ADGRV1: variants seen among roughly 807,000 people sequenced by gnomAD.
ADGRV1 encodes the protein adhesion G protein-coupled receptor V1, also known as G-protein coupled receptor 98.
ADGRV1 carries 359 observed loss-of-function variants against 596.2 expected under a neutral mutation model. That is an observed-to-expected ratio of 0.60 (90% CI 0.55 to 0.66). The LOEUF is 0.66. Among genes scored for constraint, ADGRV1 ranks in the 30% least tolerant of loss-of-function variants. The pLI is 0.00. For missense variants in ADGRV1, 7,274 were observed against 7,575.6 expected, an observed-to-expected ratio of 0.96 and a Z score of 1.48; for synonymous variants, 2,681 against 2,679.2, an observed-to-expected ratio of 1.00 and a Z score of -0.02.
intron 84 of ADGRV1, among the ~76,000 whole-genome samples, chr5:90,983,718 A>G (rs1356977706): frequency 6.6e-6 from 1 of 152,208 alleles, no homozygotes; most frequent in Non-Finnish European, 1.5e-5. Flanking sequence ...AAAGTTACAT[A>G]AGCAACAACT....
chr5:91,157,705 A>G (rs796078980), intron 89 of ADGRV1, among the ~76,000 whole-genome samples: 5 of 152,372 alleles, frequency 3.3e-5, no homozygotes, highest in African/African-American at 1.2e-4. Context: ...GTACAGTTCA[A>G]CAAATCAACA....
At chr5:90,766,051 A>C (rs1757092385) in intron 59 of ADGRV1, among the ~76,000 whole-genome samples, 1 of 151,992 alleles carries the variant, frequency 6.6e-6, no homozygotes, top group Non-Finnish European at 1.5e-5. Flanking sequence ...CTGGGACTAC[A>C]GGCGCCCGCC....
chr5:90,635,296 T>A lies in ADGRV1; in HGVS notation c.2016+6T>A, dbSNP rs763466693. 1 of 1,604,350 alleles carries A rather than the reference T, an allele frequency of 6.2e-7. No homozygotes were observed. Among genetic ancestry groups the A allele is most frequent in the South Asian group, 1.1e-5 (1 of 88,956 alleles). ...AAGATTTTGCTGCTGAAGTGGTAAG[T>A]AGGCTCTTTCTTACTGATGGGGGCT... On this transcript the variant is annotated splice_donor_region_variant and intron_variant, in intron 10 of 89. Coordinates refer to ENST00000405460, the MANE Select transcript of ADGRV1 (RefSeq NM_032119.4).
chr5:90,611,153 T>G (rs1762690173), intron 1 of ADGRV1, among the ~76,000 whole-genome samples: 1 of 151,968 alleles, frequency 6.6e-6, no homozygotes, highest in South Asian at 2.1e-4. Flanking sequence ...AATATACAAA[T>G]GTTATGTTAA....
intron 78 of ADGRV1, among the ~76,000 whole-genome samples, chr5:90,846,756 G>A (rs113451373): frequency 1.8e-4 from 28 of 152,322 alleles, no homozygotes; most frequent in African/African-American, 5.8e-4. Context: ...AAGGGGACCC[G>A]AGCAGGTTGC....
At chr5:90,989,618 G>A (rs1180860014) in intron 85 of ADGRV1, among the ~76,000 whole-genome samples, 3 of 152,010 alleles carry the variant, frequency 2.0e-5, no homozygotes, top group Non-Finnish European at 4.4e-5. Flanking sequence ...ATTAAGTTCT[G>A]AAATATGGAA....
rs139015804 is a variant in ADGRV1 at position 91,078,685 on chromosome 5, C to T, written c.18310+6081C>T. On this transcript the variant is annotated intron_variant, in intron 86 of 89. Coordinates refer to ENST00000405460, the MANE Select transcript of ADGRV1 (RefSeq NM_032119.4). The stretch of plus-strand genomic sequence containing the variant: ...CATGTGCAGCAGACATGTGCAAAGG[C>T]AGGCTCAGCCAGCCTCCAGTTGTGT... Among the ~76,000 whole-genome samples the T allele has an allele frequency of 2.6e-3, 389 of 152,340 alleles. 2 individuals are homozygous for T. Among genetic ancestry groups the T allele is most frequent in the African/African-American group, 8.5e-3 (355 of 41,582 alleles).
At chr5:90,560,126 A>G (rs778121594) in intron 1 of ADGRV1, among the ~76,000 whole-genome samples, 10 of 152,294 alleles carry the variant, frequency 6.6e-5, no homozygotes, top group Non-Finnish European at 1.0e-4. Flanking sequence ...TTAACACACA[A>G]TGACTTCGGA....
At chr5:90,903,870 A>T (rs1217741467) in intron 83 of ADGRV1, among the ~76,000 whole-genome samples, 1 of 151,798 alleles carries the variant, frequency 6.6e-6, no homozygotes. Context: ...TATTCATTCT[A>T]TTTTTTTGTA....
At chr5:91,048,606 AT>A (rs1408114194) in intron 85 of ADGRV1, among the ~76,000 whole-genome samples, 7 of 152,200 alleles carry the variant, frequency 4.6e-5, no homozygotes, top group Non-Finnish European at 1.0e-4. Context: ...TGCCAAAAAA[AT>A]AAATAAATAA....
intron 30 of ADGRV1, among the ~76,000 whole-genome samples, 153 bp from the exon 31 acceptor site, chr5:90,690,643 AT>A (rs1368445757): frequency 6.6e-6 from 1 of 152,288 alleles, no homozygotes; most frequent in East Asian, 1.9e-4. Flanking sequence ...GAGCAGACCA[AT>A]TTGTATCACA....
At chr5:91,044,363 A>G (rs1418062204) in intron 85 of ADGRV1, among the ~76,000 whole-genome samples, 1 of 152,218 alleles carries the variant, frequency 6.6e-6, no homozygotes, top group African/African-American at 2.4e-5. Context: ...GTACAAGTTT[A>G]AAGATTTAAG....
At position 90,622,651 on chromosome 5, in the gene ADGRV1, A is replaced by T; in HGVS notation, c.508A>T (p.Thr170Ser). Residue 170 changes from threonine (T) to serine (S), a missense_variant, in exon 5 of 90, where the codon ACT becomes TCT. Around this residue, in one of 5 missense-constraint regions of ADGRV1, gnomAD observed 1,715 missense variants for 1,708.8 expected, o/e 1.00. Coordinates refer to ENST00000405460, the MANE Select transcript of ADGRV1 (RefSeq NM_032119.4). ...GGGCAGAAATGAGTCTATGCCTCTT[A>T]CTCTCATCAGGGAAAAGGGAACCTA... ...PKGRNESMPL[T>S]LIREKGTYGM... The T allele has an allele frequency of 6.4e-7, 1 of 1,551,114 alleles. No individual in the cohort carries two copies. Among genetic ancestry groups the T allele is most frequent in the East Asian group, 2.4e-5 (1 of 41,950 alleles).
chr5:90,995,050 C>T (rs763432803), intron 85 of ADGRV1, among the ~76,000 whole-genome samples: 1 of 152,188 alleles, frequency 6.6e-6, no homozygotes, highest in African/African-American at 2.4e-5. Context: ...CTCAAGCATG[C>T]ACATGGCATT....
At chr5:90,616,083 T>A (rs546217321) in intron 2 of ADGRV1, among the ~76,000 whole-genome samples, 1 of 152,148 alleles carries the variant, frequency 6.6e-6, no homozygotes, top group African/African-American at 2.4e-5. Context: ...AAAGCTTGTG[T>A]CATTTTCTAT....
At chr5:90,714,848 A>G (rs1308130093) in intron 42 of ADGRV1, among the ~76,000 whole-genome samples, 1 of 152,048 alleles carries the variant, frequency 6.6e-6, no homozygotes, top group Non-Finnish European at 1.5e-5. Context: ...TTTATTTATC[A>G]TAGCCTTGAA....
At chr5:90,922,089 G>C (rs567364596) in intron 83 of ADGRV1, among the ~76,000 whole-genome samples, 33 of 152,290 alleles carry the variant, frequency 2.2e-4, no homozygotes, top group Non-Finnish European at 3.7e-4. Flanking sequence ...ATAGACTTTG[G>C]TGGACAGTCC....
At chr5:90,622,208 C>T (rs1262573847) in intron 4 of ADGRV1, among the ~76,000 whole-genome samples, 1 of 152,102 alleles carries the variant, frequency 6.6e-6, no homozygotes, top group Non-Finnish European at 1.5e-5. Context: ...GTGGACAAGG[C>T]CAAGTGGTGG....
At chr5:91,088,627 T>C (rs1282888295) in intron 86 of ADGRV1, among the ~76,000 whole-genome samples, 1 of 152,150 alleles carries the variant, frequency 6.6e-6, no homozygotes, top group Non-Finnish European at 1.5e-5. Flanking sequence ...AAGATTCTGA[T>C]GCTTCTACTC....
Sources: allele counts gnomAD v4.1 joint callset (sites outside exome capture counted in the v4.1 genomes callset), GRCh38; gene constraint gnomAD v4.1.1; regional missense constraint gnomAD v4.1.1; transcripts MANE v1.5; gene names NCBI Gene and HGNC (gene_info 2026-07-23, HGNC 2026-07-21).